Variants in CHODL observed in about 807,000 individuals in gnomAD.
CHODL encodes chondrolectin, also known as transmembrane protein MT75.
CHODL carries 29 observed loss-of-function variants against 34.5 expected under a neutral mutation model. The ratio of observed to expected loss-of-function variants is 0.84; its 90% CI spans 0.63 to 1.15. The LOEUF is 1.15. CHODL is among the 50% of genes most tolerant of loss of function. CHODL has a pLI of 0.00. For missense variants in CHODL, 332 were observed against 332.5 expected (o/e 1.00, Z 0.01); for synonymous variants, 125 against 116.1 (o/e 1.08, Z -0.49).
intron 2 of CHODL, among the ~76,000 whole-genome samples, chr21:18,169,738 A>T (rs8127376): frequency 0.19 from 29,035 of 151,952 alleles, 3,996 homozygotes; most frequent in East Asian, 0.48. Context: ...AAATATGATC[A>T]TTTTTTAGAT....
chr21:18,245,341 G>A (rs898855219), intron 1 of CHODL, 39 bp downstream of exon 1: 27 of 1,474,180 alleles, frequency 1.8e-5, no homozygotes, highest in Non-Finnish European at 2.3e-5. Flanking sequence ...CGAGCGGGGA[G>A]AGGGGACCAC....
intron 2 of CHODL, among the ~76,000 whole-genome samples, chr21:18,154,292 C>A (rs2073006511): frequency 6.6e-6 from 1 of 151,950 alleles, no homozygotes; most frequent in South Asian, 2.1e-4. Flanking sequence ...AGGAAGATGT[C>A]CCCACTCCTC....
intron 2 of CHODL, among the ~76,000 whole-genome samples, chr21:18,098,814 G>A (rs2065173481): frequency 6.6e-6 from 1 of 152,036 alleles, no homozygotes; most frequent in Admixed American, 6.6e-5. Flanking sequence ...GCCAAGACTT[G>A]GAACCAACCT....
At position 17,923,119 on chromosome 21, in the gene CHODL, G is replaced by C. The variant is rs79413958; in HGVS notation, c.-145+5719G>C. Among the ~76,000 whole-genome samples the C allele has an allele frequency of 5.1e-4, 78 of 152,298 alleles. 3 individuals are homozygous for C. The East Asian group carries it at 0.015, about 29-fold the overall frequency. ...ATATGCATTTATCTCAGTGAGCAGGGGTGGGGGTTGGCTTTGAATAGAATG... is the reference window on the plus strand; with the variant it reads ...ATATGCATTTATCTCAGTGAGCAGGCGTGGGGGTTGGCTTTGAATAGAATG... On this transcript the variant is annotated intron_variant, in intron 1 of 6. Transcript: ENST00000400127.
chr21:18,210,618 AC>A (rs2073762599), intron 2 of CHODL, among the ~76,000 whole-genome samples: 1 of 152,090 alleles, frequency 6.6e-6, no homozygotes, highest in Admixed American at 6.6e-5. Context: ...TCTCCAGTAG[AC>A]CCATCCAGTC....
intron 2 of CHODL, among the ~76,000 whole-genome samples, chr21:18,070,577 G>A (rs2064791501): frequency 6.6e-6 from 1 of 152,054 alleles, no homozygotes; most frequent in Non-Finnish European, 1.5e-5. Flanking sequence ...TAATTACACT[G>A]GGCAATAAAC....
At chr21:18,014,270 A>G (rs1032065344) in intron 1 of CHODL, among the ~76,000 whole-genome samples, 1 of 152,202 alleles carries the variant, frequency 6.6e-6, no homozygotes, top group African/African-American at 2.4e-5. Flanking sequence ...AATGTGGTAC[A>G]TATATACCAT....
chr21:18,172,704 T>C (rs1468899246), intron 2 of CHODL, among the ~76,000 whole-genome samples: 1 of 152,156 alleles, frequency 6.6e-6, no homozygotes, highest in East Asian at 1.9e-4. Context: ...TCTTCAGAAG[T>C]CCTTGTTCCC....
chr21:18,015,395 A>G (rs1045966004), intron 1 of CHODL, among the ~76,000 whole-genome samples: 1 of 152,120 alleles, frequency 6.6e-6, no homozygotes, highest in Non-Finnish European at 1.5e-5. Context: ...CTCCCCAGCC[A>G]TGCTTCCTAT....
intron 1 of CHODL, among the ~76,000 whole-genome samples, chr21:17,946,158 T>C (rs547205866): frequency 6.6e-5 from 10 of 152,092 alleles, no homozygotes; most frequent in South Asian, 6.2e-4. Flanking sequence ...TGGCTCACGC[T>C]TGTAATCCCA....
rs75696230 is a variant in CHODL at position 18,131,551 on chromosome 21, C to G, written c.-45+103580C>G. On this transcript the variant is annotated intron_variant, in intron 2 of 6. Transcript: ENST00000400127. ...AAATTTACTCCTGGCCCCATTTTCCCCAGTTATTTTCATCCTGTAATTTAA... is the reference window on the plus strand; with the variant it reads ...AAATTTACTCCTGGCCCCATTTTCCGCAGTTATTTTCATCCTGTAATTTAA... Among the ~76,000 whole-genome samples the G allele has an allele frequency of 8.8e-3, 1,333 of 152,216 alleles. 72 individuals carry two copies. The East Asian group carries it at 0.16, about 18-fold the overall frequency.
At chr21:18,007,313 C>T (rs551517294) in intron 1 of CHODL, among the ~76,000 whole-genome samples, 4 of 152,136 alleles carry the variant, frequency 2.6e-5, no homozygotes, top group Non-Finnish European at 5.9e-5. Flanking sequence ...CAAATATGTG[C>T]ATCTGTTATG....
chr21:18,224,036 A>G (rs537427083), intron 2 of CHODL, among the ~76,000 whole-genome samples: 2 of 152,122 alleles, frequency 1.3e-5, no homozygotes, highest in Admixed American at 6.5e-5. Flanking sequence ...TTAAAGGGAA[A>G]TCACAATGGA....
chr21:17,978,900 G>T (rs2063692311), intron 1 of CHODL, among the ~76,000 whole-genome samples: 1 of 151,976 alleles, frequency 6.6e-6, no homozygotes, highest in Non-Finnish European at 1.5e-5. Context: ...GTCAGCGAAG[G>T]CCTGCCCTTA....
intron 2 of CHODL, among the ~76,000 whole-genome samples, chr21:18,230,709 G>A (rs938741041): frequency 1.3e-5 from 2 of 151,864 alleles, no homozygotes; most frequent in African/African-American, 4.8e-5. Context: ...TCAAAAGGTG[G>A]GCTAATATGT....
intron 1 of CHODL, among the ~76,000 whole-genome samples, chr21:18,248,411 C>T (rs1424489052): frequency 6.6e-6 from 1 of 150,982 alleles, no homozygotes; most frequent in African/African-American, 2.4e-5. Flanking sequence ...TTAAGTATCT[C>T]TCGGGCATGA....
chr21:17,951,082 A>ATG (rs1262683700), intron 1 of CHODL, among the ~76,000 whole-genome samples: 1 of 146,750 alleles, frequency 6.8e-6, no homozygotes. Flanking sequence ...ATATAAGAAT[A>ATG]TGTGTGTGTA....
At chr21:17,941,241 G>C (rs1004409236) in intron 1 of CHODL, among the ~76,000 whole-genome samples, 1 of 146,894 alleles carries the variant, frequency 6.8e-6, no homozygotes, top group African/African-American at 2.5e-5. Flanking sequence ...TTCTCAAACT[G>C]AATTCTAAAT....
intron 1 of CHODL, among the ~76,000 whole-genome samples, chr21:17,931,319 A>G (rs767743754): frequency 2.6e-5 from 4 of 152,238 alleles, no homozygotes; most frequent in African/African-American, 7.2e-5. Context: ...AAAACATGCT[A>G]ACAAGAAGTA....
Sources: allele counts gnomAD v4.1 joint callset (sites outside exome capture counted in the v4.1 genomes callset), GRCh38; gene constraint gnomAD v4.1.1; transcripts MANE v1.5; gene names NCBI Gene and HGNC (gene_info 2026-07-23, HGNC 2026-07-21).